Variants in SLC35F5 observed in about 807,000 individuals in gnomAD.
SLC35F5 encodes solute carrier family 35 member F5.
SLC35F5 carries 54 observed loss-of-function variants against 68.6 expected under a neutral mutation model. That is an observed-to-expected ratio of 0.79 (90% CI 0.63 to 0.99). The LOEUF is 0.99. Ranked by LOEUF, SLC35F5 falls within the 50% of genes least tolerant of loss-of-function variation. The pLI is 0.00. For synonymous variants in SLC35F5, 211 were observed against 205.2 expected, an observed-to-expected ratio of 1.03 and a Z score of -0.24; for missense variants, 567 against 626.9, an observed-to-expected ratio of 0.90 and a Z score of 1.02.
chr2:113,719,459 T>C (rs1687338480), intron 13 of SLC35F5, 151 bp from the exon 14 acceptor site: 1 of 578,220 alleles, frequency 1.7e-6, no homozygotes, highest in African/African-American at 1.9e-5. Context: ...AAGTGTATTA[T>C]TATTAAATAA....
intron 3 of SLC35F5, among the ~76,000 whole-genome samples, chr2:113,751,982 C>T (rs1441595149): frequency 6.6e-6 from 1 of 151,872 alleles, no homozygotes; most frequent in African/African-American, 2.4e-5. Flanking sequence ...AAGGCCAAGG[C>T]GGGTGGATCA....
At chr2:113,750,388 C>A (rs750630177) in intron 4 of SLC35F5, 37 bp downstream of exon 4, 7 of 1,531,746 alleles carry the variant, frequency 4.6e-6, no homozygotes, top group Non-Finnish European at 6.1e-6. Context: ...CGTATCTATA[C>A]CCCCTTCCTA....
At chr2:113,717,710 G>A in intron 15 of SLC35F5, 43 bp downstream of exon 15, 3 of 1,281,456 alleles carry the variant, frequency 2.3e-6, no homozygotes, top group Non-Finnish European at 3.3e-6. Flanking sequence ...ATATTACACA[G>A]ATAAGAACCT....
chr2:113,723,044 C>T, intron 13 of SLC35F5, 60 bp downstream of exon 13: 1 of 1,156,270 alleles, frequency 8.6e-7, no homozygotes, highest in South Asian at 1.9e-5. Flanking sequence ...TCTCAACTTT[C>T]ATTAGGTTTG....
At position 113,718,909 on chromosome 2, in the gene SLC35F5, GAAAGAAAGAAAGAAAGAAAAAGA is replaced by G. The variant is rs1559318054; in HGVS notation, c.1496+222_1496+244del. On this transcript the variant is annotated intron_variant, in intron 14 of 15. Transcript: ENST00000245680. ...AGAAAGAAAGAAAGAAAGAAAGAAA[GAAAGAAAGAAAGAAAGAAAAAGA>G]AAGGAAGAAAGGAAGGAAGGAAGAA... Among the ~76,000 whole-genome samples the G allele has an allele frequency of 9.6e-4, 94 of 98,298 alleles. 1 individual carries two copies. Among genetic ancestry groups the G allele is most frequent in the Middle Eastern group, 6.1e-3 (1 of 164 alleles). The allele number at this position is 98,298 out of a possible 152,430, so 64.5% of individuals were successfully genotyped here.
Position 113,725,549 on chromosome 2 carries a change from T to C in SLC35F5, c.1091-12A>G. 1 of 1,560,970 alleles carries C rather than the reference T, an allele frequency of 6.4e-7. No homozygotes were observed. The highest frequency in any genetic ancestry group is 2.3e-5 in the Admixed American group (1 of 43,764). Reference sequence around the variant, plus strand: ...CAAACCTACAAAACCTGAACATGTATAAAAGAGACAAGAGTTAAAATTGAT... The same window carrying C: ...CAAACCTACAAAACCTGAACATGTACAAAAGAGACAAGAGTTAAAATTGAT... On this transcript the variant is annotated splice_polypyrimidine_tract_variant and intron_variant, in intron 11 of 15. Coordinates refer to ENST00000245680, the MANE Select transcript of SLC35F5 (RefSeq NM_025181.5).
In SLC35F5 at chr2:113,756,454, G is replaced by T; in HGVS notation, c.-45C>A. ...CGCAGCCGCCCAGCGCCACGGCCGC[G>T]GCCTCGGACTCACAGAGCTGTCACC... On this transcript the variant is annotated 5_prime_UTR_variant, in exon 1 of 16. Coordinates refer to ENST00000245680, the MANE Select transcript of SLC35F5 (RefSeq NM_025181.5). The T allele has an allele frequency of 6.5e-7, 1 of 1,537,340 alleles. No homozygotes were observed. The highest frequency in any genetic ancestry group is 1.2e-5 in the South Asian group (1 of 83,858).
At chr2:113,746,479 C>A in intron 4 of SLC35F5, 140 bp from the exon 5 acceptor site, 2 of 635,776 alleles carry the variant, frequency 3.1e-6, no homozygotes, top group East Asian at 2.8e-5. Context: ...ATAATAGCAG[C>A]TAATGCCACA....
At chr2:113,746,154 GGC>G in intron 5 of SLC35F5, 121 bp downstream of exon 5, 2 of 731,976 alleles carry the variant, frequency 2.7e-6, no homozygotes, top group Non-Finnish European at 4.7e-6. Flanking sequence ...CCTAATGATG[GGC>G]ACCCAATATT....
rs548026523 is a variant in SLC35F5 at position 113,750,649 on chromosome 2, G to T, written c.274-81C>A. On this transcript the variant is annotated intron_variant, in intron 3 of 15. Coordinates refer to ENST00000245680, the MANE Select transcript of SLC35F5 (RefSeq NM_025181.5). Reference sequence around the variant, plus strand: ...CATCTCCAAAATAAAGTCACTACATGATTTTTAACTCTTCAGAAGTTCACT... The same window carrying T: ...CATCTCCAAAATAAAGTCACTACATTATTTTTAACTCTTCAGAAGTTCACT... The T allele has an allele frequency of 8.2e-6, 10 of 1,213,708 alleles. 1 individual carries two copies. In the African/African-American group the frequency reaches 1.4e-4, roughly 17 times the overall value. 75.2% of individuals were successfully genotyped at this position (1,213,708 alleles called of 1,614,324 possible).
At chr2:113,718,880 A>G (rs192512732) in intron 14 of SLC35F5, among the ~76,000 whole-genome samples, 1 of 51,232 alleles carries the variant, frequency 2.0e-5, no homozygotes, top group African/African-American at 5.2e-5. Flanking sequence ...AAAGAAAGAA[A>G]GAAAGAAAGA....
downstream of SLC35F5, chr2:113,704,094 A>G (rs1396578929): frequency 6.6e-6 from 1 of 152,278 alleles, no homozygotes; most frequent in Non-Finnish European, 1.5e-5. Context: ...GGACCCAAAG[A>G]GTGAGCAGCA....
chr2:113,711,740 C>T lies in SLC35F5; in HGVS notation c.*3478G>A, dbSNP rs1686991369. Among the ~76,000 whole-genome samples, 1 of 152,014 alleles carries T rather than the reference C, an allele frequency of 6.6e-6. No individual in the cohort carries two copies. The highest frequency in any genetic ancestry group is 2.1e-4 in the South Asian group (1 of 4,832). On this transcript the variant is annotated 3_prime_UTR_variant, in exon 16 of 16. Transcript: ENST00000245680. ...TTACAGGTAATTATTTCTGTTAACT[C>T]CTCCTAAAATATTATTTAGTAATAA...
At chr2:113,744,871 A>C (rs1373818861) in intron 5 of SLC35F5, among the ~76,000 whole-genome samples, 1 of 152,232 alleles carries the variant, frequency 6.6e-6, no homozygotes, top group African/African-American at 2.4e-5. Context: ...CCATATTTTT[A>C]GGTAGTTATA....
At chr2:113,731,148 C>T (rs1687867703) in intron 10 of SLC35F5, among the ~76,000 whole-genome samples, 1 of 152,056 alleles carries the variant, frequency 6.6e-6, no homozygotes, top group Admixed American at 6.6e-5. Context: ...TACAAACCAA[C>T]TAGGTGGTAC....
chr2:113,724,476 C>A (rs1687581729), intron 12 of SLC35F5, among the ~76,000 whole-genome samples: 1 of 152,168 alleles, frequency 6.6e-6, no homozygotes, highest in East Asian at 1.9e-4. Context: ...TAAATTACTA[C>A]AATACAAAGT....
Position 113,743,758 on chromosome 2 carries a change from G to T in SLC35F5, c.517C>A (p.Leu173Ile). 1 of 1,611,254 alleles carries T rather than the reference G, an allele frequency of 6.2e-7. No homozygotes were observed. Among genetic ancestry groups the T allele is most frequent in the African/African-American group, 1.3e-5 (1 of 74,984 alleles). Residue 173 changes from leucine (L) to isoleucine (I), a missense_variant, in exon 6 of 16, where the codon CTT becomes ATT. Physicochemically the swap from Leu to Ile is conservative, Grantham distance 5. Transcript: ENST00000245680. ...GTGCTCTCAGGTTTTTCACTTGGAA[G>T]ATCATGGAATTTCACAGGCACATAC... The part of the protein sequence containing the change: ...PLYVPVKFHD[L>I]PSEKPESTNI...
In SLC35F5 at chr2:113,750,351, C is replaced by T. The variant is rs188468319; in HGVS notation, c.417+74G>A. 3.7e-6 allele frequency: 5 copies of T among 1,352,194 alleles called. No homozygotes were observed. The African/African-American group carries it at 5.9e-5, about 16-fold the overall frequency. The allele number at this position is 1,352,194 out of a possible 1,614,324, so 83.8% of individuals were successfully genotyped here. A position where few individuals can be genotyped will look rare whatever the true frequency, so the allele number is the denominator to read the frequency against. The stretch of plus-strand genomic sequence containing the variant: ...TAAAATATGACCGTCCTTAAAGAAA[C>T]TAATACATCTTTAAACTTTGAAAAA... On this transcript the variant is annotated intron_variant, in intron 4 of 15. Coordinates refer to ENST00000245680, the MANE Select transcript of SLC35F5 (RefSeq NM_025181.5).
chr2:113,750,391 C>A (rs1481950105), intron 4 of SLC35F5, 34 bp downstream of exon 4: 3 of 1,542,450 alleles, frequency 1.9e-6, no homozygotes, highest in African/African-American at 1.4e-5. Flanking sequence ...ATCTATACCC[C>A]CTTCCTAACA....
Sources: gnomAD v4.1 joint callset for allele counts (sites outside exome capture counted in the v4.1 genomes callset) on GRCh38, gnomAD v4.1.1 for gene constraint, MANE v1.5 for transcripts, NCBI Gene and HGNC (gene_info 2026-07-23, HGNC 2026-07-21) for gene names.